The following CD44 variants were observed in gnomAD, a reference collection of about 807,000 sequenced individuals.
CD44 encodes CD44 molecule (IN blood group), also known as CD44 antigen.
Under a neutral mutation model 88.8 loss-of-function variants are expected in CD44, and 49 were observed. That is an observed-to-expected ratio of 0.55 (90% CI 0.44 to 0.70). The LOEUF (loss-of-function observed/expected upper bound fraction) is 0.70. CD44 is among the 30% of genes least tolerant of loss of function. The pLI is 0.00. For synonymous variants in CD44, 325 were observed against 312.3 expected (o/e 1.04, Z -0.43); for missense variants, 883 against 913.8 (o/e 0.97, Z 0.43).
chr11:35,145,061 A>G (rs371637460), intron 1 of CD44, among the ~76,000 whole-genome samples: 5 of 152,362 alleles, frequency 3.3e-5, no homozygotes, highest in African/African-American at 1.2e-4. Flanking sequence ...CTATAAGTAC[A>G]TGCCTGAAGG....
intron 10 of CD44, 71 bp downstream of exon 10, chr11:35,204,711 A>T (rs1472256359): frequency 5.0e-6 from 7 of 1,391,332 alleles, no homozygotes; most frequent in African/African-American, 1.4e-5. Flanking sequence ...CATTGAGGAC[A>T]TTGAACAAAA....
chr11:35,198,257 T>G lies in CD44; in HGVS notation c.922+11T>G. 3 of 1,613,164 alleles carry G rather than the reference T, an allele frequency of 1.9e-6. No individual in the cohort carries two copies. The highest frequency in any genetic ancestry group is 2.5e-6 in the Non-Finnish European group (3 of 1,179,318). On this transcript the variant is annotated intron_variant, in intron 7 of 17. Transcript: ENST00000428726. Reference sequence around the variant, plus strand: ...TTATCTCCAGCACCAGTAAGAATAATCAATTACAGTACAGCCATTTATGCA... The same window carrying G: ...TTATCTCCAGCACCAGTAAGAATAAGCAATTACAGTACAGCCATTTATGCA...
intron 1 of CD44, among the ~76,000 whole-genome samples, chr11:35,149,633 C>A (rs116237629): frequency 2.0e-5 from 3 of 152,140 alleles, no homozygotes; most frequent in Non-Finnish European, 4.4e-5. Context: ...GTGTAAAATG[C>A]GAGGGTTGGA....
chr11:35,153,312 A>G (rs1941428229), intron 1 of CD44, among the ~76,000 whole-genome samples: 1 of 152,230 alleles, frequency 6.6e-6, no homozygotes, highest in Non-Finnish European at 1.5e-5. Context: ...TTAGTGGCAC[A>G]GTGGGAAATG....
chr11:35,204,418 C>T, intron 9 of CD44, 94 bp from the exon 10 acceptor site: 1 of 1,191,360 alleles, frequency 8.4e-7, no homozygotes, highest in Non-Finnish European at 1.2e-6. Flanking sequence ...CTTCCCTCCC[C>T]ATGTGTATCT....
At position 35,182,029 on chromosome 11, in the gene CD44, A is replaced by ATATT. The variant is rs1387859260; in HGVS notation, c.367+1625_367+1626insTTAT. Among the ~76,000 whole-genome samples the ATATT allele has an allele frequency of 2.9e-3, 351 of 121,718 alleles. 8 individuals are homozygous for ATATT. The highest frequency in any genetic ancestry group is 0.012 in the Admixed American group (103 of 8,820). 79.9% of individuals were successfully genotyped at this position (121,718 alleles called of 152,430 possible). ...TATATGTATATATGTATATATAAATATATACACATTTATATATATAAAATC... is the reference window on the plus strand; with the variant it reads ...TATATGTATATATGTATATATAAATATATTTATACACATTTATATATATAAAATC... On this transcript the variant is annotated intron_variant, in intron 3 of 17. Transcript: ENST00000428726.
intron 1 of CD44, among the ~76,000 whole-genome samples, chr11:35,164,124 T>C (rs1045468140): frequency 2.0e-5 from 3 of 151,976 alleles, no homozygotes; most frequent in African/African-American, 7.3e-5. Flanking sequence ...AGCCTTAGTG[T>C]TACAGCCACA....
chr11:35,219,769 G>C (rs1376616101), intron 16 of CD44, among the ~76,000 whole-genome samples: 1 of 152,220 alleles, frequency 6.6e-6, no homozygotes, highest in South Asian at 2.1e-4. Context: ...CCAAGGTGAA[G>C]CATGTAATTT....
chr11:35,145,420 G>C (rs1858927872), intron 1 of CD44, among the ~76,000 whole-genome samples: 1 of 152,150 alleles, frequency 6.6e-6, no homozygotes, highest in Non-Finnish European at 1.5e-5. Flanking sequence ...GGGCTGACTT[G>C]GCTGGCTGAC....
intron 5 of CD44, among the ~76,000 whole-genome samples, chr11:35,191,637 T>C (rs1443558233): frequency 6.6e-6 from 1 of 152,200 alleles, no homozygotes; most frequent in African/African-American, 2.4e-5. Context: ...GGAAGGAGAA[T>C]AGGTCTACCC....
chr11:35,219,388 G>T lies in CD44; in HGVS notation c.1945+1G>T, dbSNP rs751232606. The T allele has an allele frequency of 1.2e-6, 2 of 1,612,192 alleles. No individual in the cohort carries two copies. The highest frequency in any genetic ancestry group is 8.5e-7 in the Non-Finnish European group (1 of 1,178,504). ...CCTATAAGGACACCCCAAATTCCAGGTGAGTTTCAAACTTTGAGGCAGAAA... is the reference window on the plus strand; with the variant it reads ...CCTATAAGGACACCCCAAATTCCAGTTGAGTTTCAAACTTTGAGGCAGAAA... On this transcript the variant is annotated splice_donor_variant, in intron 16 of 17. Transcript: ENST00000428726. LOFTEE classifies it high-confidence loss of function.
chr11:35,204,503 T>G lies in CD44; in HGVS notation c.1154-9T>G. The G allele has an allele frequency of 6.2e-7, 1 of 1,612,738 alleles. No individual in the cohort carries two copies. The highest frequency in any genetic ancestry group is 8.5e-7 in the Non-Finnish European group (1 of 1,179,200). ...CAATTATGTCTCCCAACTGATATTC[T>G]TCTCACAGTCCAGGCAACTCCTAGT... On this transcript the variant is annotated splice_polypyrimidine_tract_variant and intron_variant, in intron 9 of 17. Coordinates refer to ENST00000428726, the MANE Select transcript of CD44 (RefSeq NM_000610.4).
At chr11:35,209,572 G>C (rs981140030) in intron 12 of CD44, among the ~76,000 whole-genome samples, 5 of 152,072 alleles carry the variant, frequency 3.3e-5, no homozygotes, top group Non-Finnish European at 7.4e-5. Context: ...TTGACACACA[G>C]TTAGGTGCTT....
intron 1 of CD44, among the ~76,000 whole-genome samples, chr11:35,162,808 T>C (rs1175822750): frequency 6.6e-6 from 1 of 152,042 alleles, no homozygotes; most frequent in African/African-American, 2.4e-5. Context: ...GAAGAGTGAA[T>C]AGCAGTAGTG....
At chr11:35,157,278 T>C (rs113033742) in intron 1 of CD44, among the ~76,000 whole-genome samples, 6 of 152,222 alleles carry the variant, frequency 3.9e-5, no homozygotes, top group African/African-American at 1.4e-4. Context: ...ACTCAACTTC[T>C]TAAAAAACCT....
At chr11:35,181,821 A>G (rs1433742447) in intron 3 of CD44, among the ~76,000 whole-genome samples, 1 of 108,850 alleles carries the variant, frequency 9.2e-6, no homozygotes, top group African/African-American at 3.6e-5. Context: ...ATATTTAAAT[A>G]TATATTATAA....
chr11:35,194,853 T>C (rs1946582382), intron 5 of CD44, among the ~76,000 whole-genome samples: 1 of 152,242 alleles, frequency 6.6e-6, no homozygotes, highest in Admixed American at 6.5e-5. Flanking sequence ...AATGAATGAA[T>C]TGACTGTGTG....
intron 15 of CD44, among the ~76,000 whole-genome samples, chr11:35,217,862 AT>A (rs1948963913): frequency 6.6e-6 from 1 of 152,236 alleles, no homozygotes; most frequent in Admixed American, 6.5e-5. Context: ...TGGAGGAAGA[AT>A]TTTTAAAAAT....
chr11:35,204,385 T>A, intron 9 of CD44, 127 bp from the exon 10 acceptor site: 1 of 799,932 alleles, frequency 1.3e-6, no homozygotes, highest in Non-Finnish European at 2.0e-6. Flanking sequence ...GTGGCCTGTT[T>A]CCTTGGTGCC....
Sources: gnomAD v4.1 joint callset for allele counts (sites outside exome capture counted in the v4.1 genomes callset) on GRCh38, gnomAD v4.1.1 for gene constraint, MANE v1.5 for transcripts, NCBI Gene and HGNC (gene_info 2026-07-23, HGNC 2026-07-21) for gene names.